The following SPATA21 variants were observed in gnomAD, a reference collection of about 807,000 sequenced individuals.
SPATA21 encodes the protein spermatogenesis associated 21.
A neutral mutation model predicts 54.8 loss-of-function variants in SPATA21; 47 were observed. The ratio of observed to expected loss-of-function variants is 0.86; its 90% CI spans 0.68 to 1.09. SPATA21 has a LOEUF of 1.09. SPATA21 is among the 50% of genes least tolerant of loss of function. The probability of loss-of-function intolerance (pLI) is 0.00; values close to 1 mark genes in which losing one functional copy is unlikely to be tolerated. For missense variants in SPATA21, 599 were observed against 596.4 expected, an observed-to-expected ratio of 1.00 and a Z score of -0.05; for synonymous variants, 245 against 235.3, an observed-to-expected ratio of 1.04 and a Z score of -0.38.
chr1:16,414,784 C>T (rs2085950003), intron 5 of SPATA21, among the ~76,000 whole-genome samples: 1 of 146,198 alleles, frequency 6.8e-6, no homozygotes, highest in Non-Finnish European at 1.5e-5. Context: ...CCCAGCTACT[C>T]GGGAAGGCTG....
chr1:16,424,230 A>C (rs373100113), intron 3 of SPATA21, among the ~76,000 whole-genome samples: 6 of 6,476 alleles, frequency 9.3e-4, no homozygotes, highest in African/African-American at 1.3e-3. Flanking sequence ...GGAGAATGGC[A>C]TGAACCTGGG....
intron 3 of SPATA21, 168 bp downstream of exon 3, chr1:16,431,170 G>A (rs1486944571): frequency 4.2e-5 from 62 of 1,471,236 alleles, no homozygotes; most frequent in Non-Finnish European, 5.4e-5. Context: ...AGCTGGGGAG[G>A]AAGCCTGGGC....
chr1:16,434,172 C>T (rs1031044364), intron 1 of SPATA21, among the ~76,000 whole-genome samples: 2 of 152,202 alleles, frequency 1.3e-5, no homozygotes, highest in Admixed American at 1.3e-4. Flanking sequence ...CATGTTGTAG[C>T]ACACATCAGA....
intron 3 of SPATA21, chr1:16,425,835 A>G: frequency 1.0e-6 from 1 of 979,106 alleles, no homozygotes; most frequent in Non-Finnish European, 1.5e-6. Context: ...TAACGCCTGG[A>G]AGGACCAATG....
At chr1:16,416,075 G>T (rs2085997414) in intron 5 of SPATA21, among the ~76,000 whole-genome samples, 2 of 152,132 alleles carry the variant, frequency 1.3e-5, no homozygotes, top group Admixed American at 6.6e-5. Context: ...CAGCTCTTCT[G>T]TCACTGCTCT....
intron 10 of SPATA21, among the ~76,000 whole-genome samples, chr1:16,401,683 T>C (rs1204537241): frequency 6.7e-6 from 1 of 149,714 alleles, no homozygotes; most frequent in Non-Finnish European, 1.5e-5. Context: ...CTTCCAGATT[T>C]CAAGTTAAGG....
chr1:16,423,287 C>G (rs1295233193), intron 3 of SPATA21, among the ~76,000 whole-genome samples: 1 of 142,994 alleles, frequency 7.0e-6, no homozygotes, highest in Non-Finnish European at 1.5e-5. Flanking sequence ...GTGGTACGTG[C>G]CTGTAATCCC....
chr1:16,409,543 C>A lies in SPATA21; in HGVS notation c.587+58G>T. The A allele has an allele frequency of 6.5e-7, 1 of 1,544,816 alleles. No individual in the cohort carries two copies. Among genetic ancestry groups the A allele is most frequent in the Non-Finnish European group, 8.7e-7 (1 of 1,144,346 alleles). On this transcript the variant is annotated intron_variant, in intron 6 of 12. Coordinates refer to ENST00000335496, the MANE Select transcript of SPATA21 (RefSeq NM_198546.1). This position sits in a 1 kb window ranked among gnomAD's most constrained non-coding sequence, Gnocchi z 4.1. ...CAGGGACAGGGACCTGCATCCGGGACAAGGCTCTGATCTTGGGGCCTTTCA... is the reference window on the plus strand; with the variant it reads ...CAGGGACAGGGACCTGCATCCGGGAAAAGGCTCTGATCTTGGGGCCTTTCA...
intron 5 of SPATA21, among the ~76,000 whole-genome samples, chr1:16,415,570 C>A (rs1038885532): frequency 1.3e-5 from 2 of 151,312 alleles, no homozygotes; most frequent in African/African-American, 4.9e-5. Context: ...TATTATTATT[C>A]TTTTTTAGAG....
chr1:16,434,289 C>CT (rs1423221525), intron 1 of SPATA21, among the ~76,000 whole-genome samples: 3,848 of 141,610 alleles, frequency 0.027, 65 homozygotes, highest in Middle Eastern at 0.09. Context: ...TTTTTTCTTT[C>CT]TTTTTTTTTT....
intron 1 of SPATA21, among the ~76,000 whole-genome samples, chr1:16,436,642 T>C (rs1239030602): frequency 1.3e-5 from 2 of 151,952 alleles, no homozygotes; most frequent in Non-Finnish European, 2.9e-5. Flanking sequence ...GGTGCCTGCC[T>C]GTAATCCTAG....
intron 11 of SPATA21, 45 bp downstream of exon 11, chr1:16,400,675 C>T (rs2085416070): frequency 6.4e-7 from 1 of 1,556,664 alleles, no homozygotes; most frequent in Non-Finnish European, 8.7e-7. Context: ...GGCAAGAGAG[C>T]AAAGCCCCAA....
intron 7 of SPATA21, among the ~76,000 whole-genome samples, chr1:16,407,401 C>A (rs530806227): frequency 2.0e-5 from 3 of 152,188 alleles, no homozygotes; most frequent in African/African-American, 7.2e-5. Flanking sequence ...GGAGGTGGGG[C>A]AGGGAGAGCT....
At chr1:16,400,230 T>G (rs2085402664) in intron 11 of SPATA21, among the ~76,000 whole-genome samples, 1 of 152,170 alleles carries the variant, frequency 6.6e-6, no homozygotes, top group Admixed American at 6.6e-5. Flanking sequence ...TTGGCCAGGA[T>G]GGTCTCGAAC....
At chr1:16,426,254 C>CTTATTTATTTATTTATTTATTTATTTAT (rs750947536) in intron 3 of SPATA21, among the ~76,000 whole-genome samples, 1 of 151,504 alleles carries the variant, frequency 6.6e-6, no homozygotes, top group African/African-American at 2.4e-5. Flanking sequence ...CGTATGCATA[C>CTTATTTATTTATTTATTTATTTATTTAT]TTATTTATTT....
In SPATA21 at chr1:16,421,431, C is replaced by T; in HGVS notation, c.144+78G>A. The T allele has an allele frequency of 2.1e-6, 3 of 1,401,750 alleles. No individual in the cohort carries two copies. The highest frequency in any genetic ancestry group is 5.0e-5 in the East Asian group (2 of 40,264). 86.8% of individuals were successfully genotyped at this position (1,401,750 alleles called of 1,614,324 possible). ...GGGGTTTGACGTGCCACATCCGCTT[C>T]TGCCCTCTTCCTCCTCCTGATCCCC... On this transcript the variant is annotated intron_variant, in intron 5 of 12. Transcript: ENST00000335496. The surrounding 1 kb of genome is among the most constrained non-coding windows in gnomAD (Gnocchi z 5.2).
intron 7 of SPATA21, among the ~76,000 whole-genome samples, chr1:16,405,493 G>GA (rs538611012): frequency 0.023 from 1,901 of 81,304 alleles, 38 homozygotes; most frequent in African/African-American, 0.062. Flanking sequence ...AAATAAAAAT[G>GA]AAAAAAAAAA....
Position 16,421,534 on chromosome 1 carries a change from G to T in SPATA21, c.119C>A (p.Pro40Gln), listed in dbSNP as rs1230334183. 11 of 1,613,588 alleles carry T rather than the reference G, an allele frequency of 6.8e-6. No individual in the cohort carries two copies. Among genetic ancestry groups the T allele is most frequent in the Admixed American group, 1.7e-5 (1 of 59,960 alleles). Reference sequence around the variant, plus strand: ...TGGTGGAGGAAGAGGCCCCGGTGCTGGGTGGGTCTCCACAGCCTCACCCCT... The same window carrying T: ...TGGTGGAGGAAGAGGCCCCGGTGCTTGGTGGGTCTCCACAGCCTCACCCCT... ...KGGGEAVETHPAPGPLPPPEV... is the reference protein window; with the variant it reads ...KGGGEAVETHQAPGPLPPPEV... Residue 40 changes from proline (P) to glutamine (Q), a missense_variant, in exon 5 of 13, where the codon CCA becomes CAA. By Grantham distance (76) the Pro-to-Gln change is moderately conservative. Coordinates refer to ENST00000335496, the MANE Select transcript of SPATA21 (RefSeq NM_198546.1). This position sits in a 1 kb window ranked among gnomAD's most constrained non-coding sequence, Gnocchi z 5.2.
intron 10 of SPATA21, among the ~76,000 whole-genome samples, chr1:16,401,614 T>TGATA (rs2085450696): frequency 6.6e-6 from 1 of 152,178 alleles, no homozygotes; most frequent in Non-Finnish European, 1.5e-5. Context: ...TATGATTTTA[T>TGATA]CACTGATACA....
Sources: gnomAD v4.1 joint callset for allele counts (sites outside exome capture counted in the v4.1 genomes callset) on GRCh38, gnomAD v4.1.1 for gene constraint, Gnocchi (gnomAD v3.1) non-coding constraint, MANE v1.5 for transcripts, NCBI Gene and HGNC (gene_info 2026-07-23, HGNC 2026-07-21) for gene names.